CPNE5: variants seen among roughly 807,000 people sequenced by gnomAD.
CPNE5 encodes copine 5.
In CPNE5, 42 loss-of-function variants were observed where a neutral mutation model predicts 81.1. That is an observed-to-expected ratio of 0.52 (90% CI 0.40 to 0.67). The LOEUF (loss-of-function observed/expected upper bound fraction) is 0.67, where lower values mean the gene tolerates loss of function less well. CPNE5 is among the 30% of genes least tolerant of loss of function. The pLI, the probability that CPNE5 is intolerant of heterozygous loss-of-function variation, is 0.00. For missense variants in CPNE5, 612 were observed against 815.5 expected (o/e 0.75, Z 3.04); for synonymous variants, 313 against 321.5 (o/e 0.97, Z 0.28).
intron 7 of CPNE5, 82 bp downstream of exon 7, chr6:36,794,508 C>T (rs566238516): frequency 6.4e-5 from 84 of 1,315,100 alleles, no homozygotes; most frequent in African/African-American, 1.9e-4. Flanking sequence ...GGAGCAGGGA[C>T]GAGGCCCAGA....
At chr6:36,768,534 A>T (rs1766785366) in intron 10 of CPNE5, among the ~76,000 whole-genome samples, 1 of 152,142 alleles carries the variant, frequency 6.6e-6, no homozygotes, top group South Asian at 2.1e-4. Context: ...GCCCAGCCAT[A>T]TTCACAGTTC....
At chr6:36,827,208 C>T (rs924087737) in intron 1 of CPNE5, 3 of 447,942 alleles carry the variant, frequency 6.7e-6, no homozygotes, top group Non-Finnish European at 5.9e-6. Context: ...TTCTGCCTCT[C>T]GCCTATGTCC....
Position 36,744,214 on chromosome 6 carries a change from G to A in CPNE5, c.1489+54C>T, listed in dbSNP as rs1763860456. On this transcript the variant is annotated intron_variant, in intron 19 of 20. Transcript: ENST00000244751. ...CTCTGGGGAAACATCTGGGGTGGGG[G>A]CAGGGTTGCGTGGCTAGGGAAGGAA... is the stretch of plus-strand genomic sequence containing the variant. The A allele has an allele frequency of 2.3e-5, 32 of 1,391,688 alleles. No individual in the cohort carries two copies. The South Asian group carries it at 3.6e-4, about 16-fold the overall frequency. 86.2% of individuals were successfully genotyped at this position (1,391,688 alleles called of 1,614,324 possible). A position where few individuals can be genotyped will look rare whatever the true frequency, so the allele number is the denominator to read the frequency against.
At chr6:36,748,373 G>C (rs1764423803) in intron 14 of CPNE5, 106 bp from the exon 15 acceptor site, 1 of 975,376 alleles carries the variant, frequency 1.0e-6, no homozygotes, top group Non-Finnish European at 1.7e-6. Flanking sequence ...TGCTTGCCAG[G>C]TGTGTGGCCT....
chr6:36,777,530 G>A lies in CPNE5; in HGVS notation c.632+1324C>T, dbSNP rs182821249. On this transcript the variant is annotated intron_variant, in intron 9 of 20. Transcript: ENST00000244751. ...CTGGAGGGGGCCTGTGTGGACGCCC[G>A]GAACAATATGCAGGCCTTTTCCTCC... is the stretch of plus-strand genomic sequence containing the variant. Among the ~76,000 whole-genome samples the A allele has an allele frequency of 6.2e-3, 939 of 152,178 alleles. 6 individuals are homozygous for A. The highest frequency in any genetic ancestry group is 0.022 in the African/African-American group (910 of 41,502).
At chr6:36,788,505 G>C (rs1768797485) in intron 8 of CPNE5, among the ~76,000 whole-genome samples, 2 of 151,996 alleles carry the variant, frequency 1.3e-5, no homozygotes, top group South Asian at 4.2e-4. Flanking sequence ...ATCTTAGGCA[G>C]ACCACTAACT....
At chr6:36,828,921 T>G (rs1375798545) in intron 1 of CPNE5, among the ~76,000 whole-genome samples, 1 of 152,226 alleles carries the variant, frequency 6.6e-6, no homozygotes, top group Non-Finnish European at 1.5e-5. Flanking sequence ...TATTCCCATT[T>G]GTAAAGAAGG....
intron 3 of CPNE5, among the ~76,000 whole-genome samples, chr6:36,805,319 G>C (rs911545913): frequency 2.6e-4 from 39 of 152,338 alleles, no homozygotes; most frequent in African/African-American, 9.4e-4. Flanking sequence ...AATACAGAGC[G>C]CAGCCAGCCC....
In CPNE5 at chr6:36,839,387, C is replaced by T. The variant is rs766170114; in HGVS notation, c.-10G>A. 2 of 1,538,584 alleles carry T rather than the reference C, an allele frequency of 1.3e-6. No homozygotes were observed. The highest frequency in any genetic ancestry group is 1.2e-5 in the South Asian group (1 of 82,952). On this transcript the variant is annotated 5_prime_UTR_variant, in exon 1 of 21. Transcript: ENST00000244751. The surrounding 1 kb of genome is among the most constrained non-coding windows in gnomAD (Gnocchi z 7.3). ...CCTCAGGCTGCTCCATCGCCCACCGCACCCCCCACCCCAAATTAGTCAATC... is the reference window on the plus strand; with the variant it reads ...CCTCAGGCTGCTCCATCGCCCACCGTACCCCCCACCCCAAATTAGTCAATC...
intron 3 of CPNE5, among the ~76,000 whole-genome samples, chr6:36,800,755 AC>A (rs1770036098): frequency 6.6e-6 from 1 of 152,160 alleles, no homozygotes; most frequent in South Asian, 2.1e-4. Flanking sequence ...CCGTCTGGGC[AC>A]CCTCTCTTGC....
chr6:36,814,663 G>A (rs1771378272), intron 3 of CPNE5, among the ~76,000 whole-genome samples: 1 of 152,174 alleles, frequency 6.6e-6, no homozygotes, highest in Admixed American at 6.5e-5. Context: ...CTGTGTGGAG[G>A]AAGCCAGCCC....
intron 12 of CPNE5, among the ~76,000 whole-genome samples, chr6:36,761,752 G>T (rs1766043165): frequency 6.6e-6 from 1 of 152,200 alleles, no homozygotes; most frequent in Non-Finnish European, 1.5e-5. Context: ...CTTAGCCAAG[G>T]TCACGTAGCT....
At chr6:36,764,908 C>T (rs1279533876) in intron 11 of CPNE5, among the ~76,000 whole-genome samples, 1 of 152,124 alleles carries the variant, frequency 6.6e-6, no homozygotes. Context: ...TCTGCATCTC[C>T]GTCACCCCAC....
At chr6:36,828,085 A>G (rs984220211) in intron 1 of CPNE5, among the ~76,000 whole-genome samples, 5 of 151,990 alleles carry the variant, frequency 3.3e-5, no homozygotes, top group African/African-American at 1.2e-4. Flanking sequence ...AGGCCCCAGC[A>G]AGGACAGAAA....
At chr6:36,806,820 C>T (rs983540288) in intron 3 of CPNE5, among the ~76,000 whole-genome samples, 1 of 152,198 alleles carries the variant, frequency 6.6e-6, no homozygotes, top group Non-Finnish European at 1.5e-5. Context: ...AGCAAAGATA[C>T]CAATGTCCTG....
At chr6:36,825,139 C>A (rs562515477) in intron 1 of CPNE5, among the ~76,000 whole-genome samples, 1 of 152,120 alleles carries the variant, frequency 6.6e-6, no homozygotes, top group Non-Finnish European at 1.5e-5. Flanking sequence ...CCAAAGCCCT[C>A]GGCAGTGACA....
chr6:36,801,819 G>A (rs1770126929), intron 3 of CPNE5, among the ~76,000 whole-genome samples: 1 of 152,198 alleles, frequency 6.6e-6, no homozygotes, highest in Non-Finnish European at 1.5e-5. Flanking sequence ...TATAGGGGGA[G>A]TTGTTTATGG....
At chr6:36,760,758 G>C (rs1169645976) in intron 12 of CPNE5, among the ~76,000 whole-genome samples, 1 of 152,174 alleles carries the variant, frequency 6.6e-6, no homozygotes, top group Admixed American at 6.5e-5. Flanking sequence ...TTGGAAGGCT[G>C]AGCTACAGGA....
intron 1 of CPNE5, among the ~76,000 whole-genome samples, chr6:36,824,015 G>A (rs1772288148): frequency 1.3e-5 from 2 of 152,148 alleles, no homozygotes; most frequent in South Asian, 4.1e-4. Context: ...TCTCTGGCTG[G>A]GAAGTCATTC....
Sources: gnomAD v4.1 joint callset for allele counts (sites outside exome capture counted in the v4.1 genomes callset) on GRCh38, gnomAD v4.1.1 for gene constraint, Gnocchi (gnomAD v3.1) non-coding constraint, MANE v1.5 for transcripts, NCBI Gene and HGNC (gene_info 2026-07-23, HGNC 2026-07-21) for gene names.